The following SPINT1 variants were observed in gnomAD, a reference collection of about 807,000 sequenced individuals.
The protein encoded by SPINT1 is serine peptidase inhibitor, Kunitz type 1, also known as kunitz-type protease inhibitor 1.
Under a neutral mutation model 53.7 loss-of-function variants are expected in SPINT1, and 38 were observed. The observed-to-expected ratio is 0.71, with a 90% CI of 0.55 to 0.93. SPINT1 has a LOEUF of 0.93. Among genes scored for constraint, SPINT1 ranks in the 40% least tolerant of loss-of-function variants. The pLI, the probability that SPINT1 is intolerant of heterozygous loss-of-function variation, is 0.00. For synonymous variants in SPINT1, 283 were observed against 280.6 expected (o/e 1.01, Z -0.08); for missense variants, 645 against 692.9 (o/e 0.93, Z 0.78).
chr15:40,848,263 G>A (rs977437263), intron 2 of SPINT1, among the ~76,000 whole-genome samples: 11 of 152,088 alleles, frequency 7.2e-5, no homozygotes, highest in African/African-American at 2.7e-4. Context: ...CCTCCTACCA[G>A]CTGTTCTTAG....
rs370529238 is a variant in SPINT1, at chr15:40,853,706, C to G, written c.743-5C>G. 1.4e-4 allele frequency: 218 copies of G among 1,613,972 alleles called. 1 individual carries two copies. The highest frequency in any genetic ancestry group is 1.6e-4 in the South Asian group (15 of 91,092). On this transcript the variant is annotated splice_region_variant and splice_polypyrimidine_tract_variant and intron_variant, in intron 4 of 10. Transcript: ENST00000562057. ...CACGGTCCCCTCATAAGCTCTCCCC[C>G]CTAGACTACTGCCTCGCATCCAACA...
chr15:40,849,766 T>A (rs1302195505), intron 2 of SPINT1, among the ~76,000 whole-genome samples: 1 of 152,230 alleles, frequency 6.6e-6, no homozygotes, highest in Non-Finnish European at 1.5e-5. Context: ...TTAATCTTTC[T>A]GGTGTCAACT....
At chr15:40,846,479 G>T (rs1411881183) in intron 2 of SPINT1, among the ~76,000 whole-genome samples, 1 of 152,190 alleles carries the variant, frequency 6.6e-6, no homozygotes, top group Non-Finnish European at 1.5e-5. Context: ...CCATGTTAAA[G>T]AATTTGCCCA....
At position 40,856,073 on chromosome 15, in the gene SPINT1, C is replaced by T. The variant is rs1891631703; in HGVS notation, c.1288+11C>T. 4 of 1,613,456 alleles carry T rather than the reference C, an allele frequency of 2.5e-6. No individual in the cohort carries two copies. Among genetic ancestry groups the T allele is most frequent in the Non-Finnish European group, 3.4e-6 (4 of 1,179,676 alleles). ...GTCGCGGCATCTCCAGTGAGTGGGC[C>T]AGTGAGAGGGTGGGCATGTATGGGG... On this transcript the variant is annotated intron_variant, in intron 9 of 10. Transcript: ENST00000562057.
At position 40,844,591 on chromosome 15, in the gene SPINT1, G is replaced by C. The variant is rs781566038; in HGVS notation, c.37G>C (p.Ala13Pro). 33 of 1,609,254 alleles carry C rather than the reference G, an allele frequency of 2.1e-5. No individual in the cohort carries two copies. The highest frequency in any genetic ancestry group is 2.7e-5 in the Non-Finnish European group (32 of 1,178,736). The change falls in exon 2 of 11, where the codon GCC becomes CCC. Residue 13 changes from alanine to proline, a missense_variant. Physicochemically the swap from Ala to Pro is conservative, Grantham distance 27. Coordinates refer to ENST00000562057, the MANE Select transcript of SPINT1 (RefSeq NM_003710.4). This position sits in a 1 kb window ranked among gnomAD's most constrained non-coding sequence, Gnocchi z 5.8. The stretch of plus-strand genomic sequence containing the variant: ...GAGGACGATGGCCCGCGCCCGCCTC[G>C]CCCCGGCCGGCATCCCTGCCGTCGC... ...PARTMARARL[A>P]PAGIPAVALW...
chr15:40,845,318 ATTTTTTT>A (rs34480117), intron 2 of SPINT1, among the ~76,000 whole-genome samples: 178 of 58,202 alleles, frequency 3.1e-3, no homozygotes, highest in African/African-American at 0.011. Context: ...GACCCGGCTA[ATTTTTTT>A]TTTTTTTTTT....
chr15:40,850,284 G>GTGGT lies in SPINT1; in HGVS notation c.476-2839_476-2836dup, dbSNP rs1182898639. Among the ~76,000 whole-genome samples the GTGGT allele has an allele frequency of 2.0e-5, 3 of 152,058 alleles. No homozygotes were observed. In the East Asian group the frequency reaches 5.8e-4, roughly 29 times the overall value. On this transcript the variant is annotated intron_variant, in intron 2 of 10. Coordinates refer to ENST00000562057, the MANE Select transcript of SPINT1 (RefSeq NM_003710.4). ...ATGGAGTTTCTCCATGTTGGTCAGG[G>GTGGT]TGGTCTTGAACTCCCAACCTCAGGT...
rs12323939 is a variant in SPINT1, at chr15:40,844,979, C to T, written c.425C>T (p.Thr142Met). The T allele has an allele frequency of 2.5e-6, 4 of 1,613,628 alleles. No individual in the cohort carries two copies. In the Admixed American group the frequency reaches 6.7e-5, roughly 27 times the overall value. ...APREGFINYL[T>M]REVYRSYRQL... ...AGGGAGGGCTTCATCAACTACCTCA[C>T]GAGGGAAGTGTACCGCTCCTACCGC... Residue 142 changes from threonine (T) to methionine (M), a missense_variant, in exon 2 of 11, where the codon ACG becomes ATG. By Grantham distance (81) the Thr-to-Met change is moderately conservative. Transcript: ENST00000562057. This position sits in a 1 kb window ranked among gnomAD's most constrained non-coding sequence, Gnocchi z 5.8.
At chr15:40,847,490 C>A (rs1445164747) in intron 2 of SPINT1, among the ~76,000 whole-genome samples, 2 of 152,150 alleles carry the variant, frequency 1.3e-5, no homozygotes, top group African/African-American at 4.8e-5. Context: ...AGTACAGATT[C>A]CTGCAGCTGG....
chr15:40,855,569 A>G (rs564342962), intron 8 of SPINT1, among the ~76,000 whole-genome samples: 83 of 152,342 alleles, frequency 5.4e-4, no homozygotes, highest in Non-Finnish European at 1.1e-3. Flanking sequence ...AACCTGGGCA[A>G]CATAGCGAGA....
At chr15:40,853,052 C>G in intron 2 of SPINT1, 72 bp from the exon 3 acceptor site, 1 of 1,555,022 alleles carries the variant, frequency 6.4e-7, no homozygotes, top group African/African-American at 1.4e-5. Flanking sequence ...TTTCACCACC[C>G]CACTTTGCTC....
intron 8 of SPINT1, among the ~76,000 whole-genome samples, chr15:40,855,222 A>T (rs934645479): frequency 6.6e-6 from 1 of 152,126 alleles, no homozygotes; most frequent in Non-Finnish European, 1.5e-5. Flanking sequence ...CTCTACAAAA[A>T]ATACAAAAAT....
chr15:40,853,964 G>A (rs1198470768), intron 5 of SPINT1, 83 bp downstream of exon 5: 1 of 1,611,224 alleles, frequency 6.2e-7, no homozygotes, highest in East Asian at 2.2e-5. Context: ...CCAGGGAGGT[G>A]GGTGGTGGGA....
In SPINT1 at chr15:40,844,203, C is replaced by A. The variant is rs1417995540; in HGVS notation, c.-66+17C>A. Reference sequence around the variant, plus strand: ...CCTGCGCAGGTAACCCGGGCCCCCGCGCGCAAGGCCGAGGCGCAGGCGGAG... The same window carrying A: ...CCTGCGCAGGTAACCCGGGCCCCCGAGCGCAAGGCCGAGGCGCAGGCGGAG... On this transcript the variant is annotated intron_variant, in intron 1 of 10. Coordinates refer to ENST00000562057, the MANE Select transcript of SPINT1 (RefSeq NM_003710.4). This position sits in a 1 kb window ranked among gnomAD's most constrained non-coding sequence, Gnocchi z 5.8. The A allele has an allele frequency of 4.9e-6, 2 of 405,422 alleles. No homozygotes were observed. The highest frequency in any genetic ancestry group is 2.0e-5 in the South Asian group (1 of 49,066). The allele number at this position is 405,422 out of a possible 1,614,324, so 25.1% of individuals were successfully genotyped here.
At position 40,854,418 on chromosome 15, in the gene SPINT1, C is replaced by T. The variant is rs7165897; in HGVS notation, c.962C>T (p.Pro321Leu). 4,983 of 1,606,156 alleles carry T rather than the reference C, an allele frequency of 3.1e-3. 156 individuals carry two copies. The African/African-American group carries it at 0.058, about 19-fold the overall frequency. Residue 321 changes from proline to leucine, a missense_variant, in exon 7 of 11, where the codon CCC becomes CTC. Transcript: ENST00000562057. ...CCAGTGTGCTCTGGCACCTGTCAGC[C>T]CACCCAGTTCCGCTGCAGCAATGGC... Reference protein sequence around the residue: ...RHPVCSGTCQPTQFRCSNGCC... With the variant: ...RHPVCSGTCQLTQFRCSNGCC...
intron 8 of SPINT1, 118 bp downstream of exon 8, chr15:40,854,807 G>A: frequency 7.8e-7 from 1 of 1,288,190 alleles, no homozygotes; most frequent in South Asian, 1.2e-5. Context: ...GGCACAAAGA[G>A]CCAGGGTGGG....
rs1891696283 is a variant in SPINT1, at chr15:40,857,702, G to A, written c.*727G>A. On this transcript the variant is annotated 3_prime_UTR_variant, in exon 11 of 11. Coordinates refer to ENST00000562057, the MANE Select transcript of SPINT1 (RefSeq NM_003710.4). ...GCCAGGAGAGGGACTAGGTTGCTGG[G>A]GGGTGATGGGACCGTCCTGTTCAGC... 6.6e-6 allele frequency: 1 copy of A among 152,356 alleles called. No individual in the cohort carries two copies. Among genetic ancestry groups the A allele is most frequent in the Non-Finnish European group, 1.5e-5 (1 of 68,154 alleles). 9.4% of individuals were successfully genotyped at this position (152,356 alleles called of 1,614,324 possible). A position where few individuals can be genotyped will look rare whatever the true frequency, so the allele number is the denominator to read the frequency against.
At chr15:40,850,463 G>A (rs1891424264) in intron 2 of SPINT1, among the ~76,000 whole-genome samples, 1 of 152,246 alleles carries the variant, frequency 6.6e-6, no homozygotes, top group South Asian at 2.1e-4. Flanking sequence ...GATGCAGGTA[G>A]AGTACCTAGC....
chr15:40,851,245 C>T (rs762491545), intron 2 of SPINT1, among the ~76,000 whole-genome samples: 5 of 151,432 alleles, frequency 3.3e-5, no homozygotes, highest in African/African-American at 4.9e-5. Context: ...CCTCCGCCTC[C>T]CAGGTTCAAG....
Sources: gnomAD v4.1 joint callset for allele counts (sites outside exome capture counted in the v4.1 genomes callset) on GRCh38, gnomAD v4.1.1 for gene constraint, Gnocchi (gnomAD v3.1) non-coding constraint, MANE v1.5 for transcripts, NCBI Gene and HGNC (gene_info 2026-07-23, HGNC 2026-07-21) for gene names.